Variants in CADPS observed in about 807,000 individuals in gnomAD.
CADPS encodes calcium-dependent secretion activator 1.
A neutral mutation model predicts 167.3 loss-of-function variants in CADPS; 57 were observed. The observed-to-expected ratio is 0.34, with a 90% CI of 0.28 to 0.42. The LOEUF (loss-of-function observed/expected upper bound fraction) is 0.42. CADPS is among the 20% of genes least tolerant of loss of function. The pLI is 1.00. For synonymous variants in CADPS, 676 were observed against 635.3 expected, an observed-to-expected ratio of 1.06 and a Z score of -0.96; for missense variants, 1,414 against 1,738.1, an observed-to-expected ratio of 0.81 and a Z score of 3.32.
intron 1 of CADPS, among the ~76,000 whole-genome samples, chr3:62,789,941 G>A (rs1168381266): frequency 6.6e-6 from 1 of 151,894 alleles, no homozygotes; most frequent in Non-Finnish European, 1.5e-5. Context: ...TCTAAACTCT[G>A]TGAAATAGAG....
At chr3:62,769,829 C>T (rs1336646411) in intron 1 of CADPS, among the ~76,000 whole-genome samples, 1 of 152,112 alleles carries the variant, frequency 6.6e-6, no homozygotes, top group Non-Finnish European at 1.5e-5. Context: ...CCACTCACTT[C>T]CAGGCTGCAT....
At chr3:62,541,532 G>A (rs1239880379) in intron 11 of CADPS, among the ~76,000 whole-genome samples, 4 of 152,110 alleles carry the variant, frequency 2.6e-5, no homozygotes, top group Non-Finnish European at 5.9e-5. Flanking sequence ...ACAGACTTAC[G>A]GAGAGCAGGT....
chr3:62,536,407 T>G, intron 12 of CADPS, 38 bp downstream of exon 12: 1 of 1,566,386 alleles, frequency 6.4e-7, no homozygotes. Flanking sequence ...AAAAAAAATG[T>G]TATGTTTAAA....
intron 1 of CADPS, among the ~76,000 whole-genome samples, chr3:62,812,278 CTATA>C (rs1177710051): frequency 2.0e-5 from 3 of 152,122 alleles, no homozygotes; most frequent in African/African-American, 4.8e-5. Context: ...CATAATTTTA[CTATA>C]TAATCAAGAA....
At chr3:62,470,687 C>G (rs2060484600) in intron 24 of CADPS, 2 of 152,142 alleles carry the variant, frequency 1.3e-5, no homozygotes. Context: ...ATTTAAGTGT[C>G]TCAGATTCAA....
At chr3:62,784,761 C>CAA (rs768113975) in intron 1 of CADPS, among the ~76,000 whole-genome samples, 1 of 61,162 alleles carries the variant, frequency 1.6e-5, no homozygotes, top group Non-Finnish European at 3.2e-5. Context: ...CAAGCAAAAA[C>CAA]AAAAAAAAAA....
chr3:62,450,324 C>A (rs2057853016), intron 26 of CADPS, among the ~76,000 whole-genome samples: 1 of 152,168 alleles, frequency 6.6e-6, no homozygotes, highest in Non-Finnish European at 1.5e-5. Context: ...GGCAGTTCCC[C>A]AGGCCAGTGC....
intron 1 of CADPS, among the ~76,000 whole-genome samples, chr3:62,804,261 G>C (rs1559701707): frequency 2.6e-5 from 4 of 152,134 alleles, no homozygotes; most frequent in African/African-American, 9.7e-5. Context: ...AAACTGGGGA[G>C]CTGGGAAAAC....
intron 2 of CADPS, 68 bp downstream of exon 2, chr3:62,765,803 C>G: frequency 1.0e-6 from 1 of 983,182 alleles, no homozygotes; most frequent in Non-Finnish European, 1.6e-6. Context: ...CCCCATTGCC[C>G]TGCAGCTCAG....
intron 1 of CADPS, among the ~76,000 whole-genome samples, chr3:62,780,343 A>G (rs553401): frequency 0.8 from 120,666 of 151,518 alleles, 49,437 homozygotes; most frequent in East Asian, 0.91. Flanking sequence ...GTTTGAGCCC[A>G]GAAGCTTGAG....
chr3:62,582,431 G>GC (rs1469559002), intron 8 of CADPS, among the ~76,000 whole-genome samples: 63 of 152,258 alleles, frequency 4.1e-4, no homozygotes, highest in Non-Finnish European at 2.9e-5. Context: ...GAGTGACAGA[G>GC]CCCCACCCCA....
At chr3:62,413,596 AG>A (rs773544968) in intron 28 of CADPS, among the ~76,000 whole-genome samples, 1 of 152,198 alleles carries the variant, frequency 6.6e-6, no homozygotes, top group Non-Finnish European at 1.5e-5. Flanking sequence ...CAGTGTTACC[AG>A]GGGCTAAGGG....
At chr3:62,692,437 T>C (rs895911102) in intron 3 of CADPS, among the ~76,000 whole-genome samples, 1 of 152,058 alleles carries the variant, frequency 6.6e-6, no homozygotes, top group Non-Finnish European at 1.5e-5. Flanking sequence ...TTCTTTCCCA[T>C]GAACCTCAGA....
chr3:62,702,865 C>A (rs556795681), intron 3 of CADPS, among the ~76,000 whole-genome samples: 1 of 152,210 alleles, frequency 6.6e-6, no homozygotes, highest in African/African-American at 2.4e-5. Flanking sequence ...AAGCACTTTA[C>A]ATGAATTACT....
intron 6 of CADPS, among the ~76,000 whole-genome samples, chr3:62,607,197 T>C (rs17066684): frequency 0.011 from 1,749 of 152,294 alleles, 31 homozygotes; most frequent in African/African-American, 0.04. Context: ...TGGCAGTCAC[T>C]CAATAAACAC....
rs563851024 is a variant in CADPS at position 62,523,190 on chromosome 3, C to CT, written c.2292-4941dup. On this transcript the variant is annotated intron_variant, in intron 13 of 29. Transcript: ENST00000383710. ...ATAATACATCTAGAGTTGCATTTTTCTTTTTTTTTGTCAAATTGAAACTAC... is the reference window on the plus strand; with the variant it reads ...ATAATACATCTAGAGTTGCATTTTTCTTTTTTTTTTGTCAAATTGAAACTAC... Among the ~76,000 whole-genome samples, 743 of 151,300 alleles carry CT rather than the reference C, an allele frequency of 4.9e-3. 5 individuals carry two copies. The highest frequency in any genetic ancestry group is 7.1e-3 in the Non-Finnish European group (479 of 67,792).
chr3:62,539,644 C>T (rs1227829927), intron 11 of CADPS, among the ~76,000 whole-genome samples: 1 of 151,970 alleles, frequency 6.6e-6, no homozygotes, highest in Non-Finnish European at 1.5e-5. Context: ...TGCTACATTC[C>T]CAGCCCTAGA....
chr3:62,674,650 T>C (rs1397527333), intron 3 of CADPS, among the ~76,000 whole-genome samples: 1 of 152,062 alleles, frequency 6.6e-6, no homozygotes, highest in African/African-American at 2.4e-5. Flanking sequence ...CTCCAACAGA[T>C]GGGAGAAAAA....
intron 3 of CADPS, among the ~76,000 whole-genome samples, chr3:62,722,714 C>T (rs1017720107): frequency 1.3e-5 from 2 of 152,222 alleles, no homozygotes; most frequent in African/African-American, 4.8e-5. Flanking sequence ...AGCAAACCTG[C>T]CCTGCTTAGG....
Sources: gnomAD v4.1 joint callset for allele counts (sites outside exome capture counted in the v4.1 genomes callset) on GRCh38, gnomAD v4.1.1 for gene constraint, MANE v1.5 for transcripts, NCBI Gene and HGNC (gene_info 2026-07-23, HGNC 2026-07-21) for gene names.